Variants in PACRG observed in about 807,000 individuals in gnomAD.
PACRG encodes the protein parkin coregulated gene protein.
A neutral mutation model predicts 29.7 loss-of-function variants in PACRG; 29 were observed. The observed-to-expected ratio is 0.98, with a 90% CI of 0.73 to 1.33. PACRG has a LOEUF of 1.33. Ranked by LOEUF, PACRG falls within the 40% of genes most tolerant of loss-of-function variation. The pLI, the probability that PACRG is intolerant of heterozygous loss-of-function variation, is 0.00. For missense variants in PACRG, 279 were observed against 316.2 expected (o/e 0.88, Z 0.89); for synonymous variants, 116 against 118.7 (o/e 0.98, Z 0.15).
chr6:162,830,311 C>G (rs1459418347), intron 2 of PACRG, among the ~76,000 whole-genome samples: 1 of 152,096 alleles, frequency 6.6e-6, no homozygotes, highest in African/African-American at 2.4e-5. Flanking sequence ...TTTTGTCATG[C>G]CTCTCACTTC....
rs1377945550 is a variant in PACRG at position 162,747,473 on chromosome 6, A to T, written c.156+19082A>T. Among the ~76,000 whole-genome samples, 107 of 35,440 alleles carry T rather than the reference A, an allele frequency of 3.0e-3. 25 individuals carry two copies. Among genetic ancestry groups the T allele is most frequent in the African/African-American group, 8.2e-3 (44 of 5,364 alleles). 23.3% of individuals were successfully genotyped at this position (35,440 alleles called of 152,430 possible). ...ATATAACTATAAATATATATGTAAAACTATATATATATATATATATTCCAT... is the reference window on the plus strand; with the variant it reads ...ATATAACTATAAATATATATGTAAATCTATATATATATATATATATTCCAT... On this transcript the variant is annotated intron_variant, in intron 1 of 4. Transcript: ENST00000366888.
chr6:163,045,409 GT>G (rs1338969165), intron 2 of PACRG, among the ~76,000 whole-genome samples: 1 of 152,110 alleles, frequency 6.6e-6, no homozygotes, highest in African/African-American at 2.4e-5. Flanking sequence ...TATTATTTGA[GT>G]TACCTGCCTC....
At chr6:162,950,048 T>A (rs897422189) in intron 2 of PACRG, among the ~76,000 whole-genome samples, 8 of 152,230 alleles carry the variant, frequency 5.3e-5, no homozygotes, top group African/African-American at 1.7e-4. Context: ...CACCTGTTTT[T>A]AAATAATTTT....
intron 2 of PACRG, among the ~76,000 whole-genome samples, chr6:162,914,521 T>G (rs1434585212): frequency 2.0e-5 from 3 of 147,892 alleles, no homozygotes; most frequent in South Asian, 2.1e-4. Flanking sequence ...TTTTTTTTTT[T>G]TTTTTTTTTA....
chr6:162,960,864 G>C (rs1800552744), intron 2 of PACRG, among the ~76,000 whole-genome samples: 1 of 57,220 alleles, frequency 1.7e-5, no homozygotes, highest in Non-Finnish European at 4.8e-5. Context: ...ATTTTCTTTG[G>C]TGTTGGCTTC....
At chr6:163,224,194 C>A (rs1253637810) in intron 4 of PACRG, among the ~76,000 whole-genome samples, 1 of 151,494 alleles carries the variant, frequency 6.6e-6, no homozygotes, top group Admixed American at 6.6e-5. Flanking sequence ...TATGGCACAA[C>A]CCCATCTCTA....
chr6:162,932,912 C>T (rs1446479077), intron 2 of PACRG, among the ~76,000 whole-genome samples: 2 of 150,518 alleles, frequency 1.3e-5, no homozygotes, highest in African/African-American at 2.4e-5. Context: ...TTGGGTTTAG[C>T]TTTTTTTTTC....
At chr6:162,797,789 A>C (rs1438397904) in intron 1 of PACRG, among the ~76,000 whole-genome samples, 1 of 151,784 alleles carries the variant, frequency 6.6e-6, no homozygotes, top group South Asian at 2.1e-4. Context: ...GTATTTTTGC[A>C]ATGCTATTTT....
At position 162,805,725 on chromosome 6, in the gene PACRG, A is replaced by G. The variant is rs116696691; in HGVS notation, c.157-8422A>G. 6.2e-3 allele frequency among the ~76,000 whole-genome samples: 939 copies of G among 152,320 alleles called. 6 individuals are homozygous for G. Among genetic ancestry groups the G allele is most frequent in the African/African-American group, 0.02 (842 of 41,574 alleles). Reference sequence around the variant, plus strand: ...TTATCATTTTGATAATGTTCAAAGTATCTTCACCAGGAGTAGATTCTGCCT... The same window carrying G: ...TTATCATTTTGATAATGTTCAAAGTGTCTTCACCAGGAGTAGATTCTGCCT... On this transcript the variant is annotated intron_variant, in intron 1 of 4. Transcript: ENST00000366888.
At chr6:162,901,321 C>T (rs1041877921) in intron 2 of PACRG, among the ~76,000 whole-genome samples, 28 of 152,156 alleles carry the variant, frequency 1.8e-4, no homozygotes, top group African/African-American at 6.8e-4. Context: ...CCTCTTACTA[C>T]AGTTTTTCCC....
chr6:163,003,624 A>G (rs1804779624), intron 2 of PACRG, among the ~76,000 whole-genome samples: 1 of 152,024 alleles, frequency 6.6e-6, no homozygotes, highest in Non-Finnish European at 1.5e-5. Flanking sequence ...TTATTCTTAA[A>G]CTCTTCCCAT....
chr6:163,177,238 A>G (rs1779405605), intron 4 of PACRG, among the ~76,000 whole-genome samples: 1 of 152,230 alleles, frequency 6.6e-6, no homozygotes, highest in African/African-American at 2.4e-5. Flanking sequence ...GGGAGTGTCC[A>G]CATGAAACCA....
At chr6:162,841,368 C>T (rs1346135680) in intron 2 of PACRG, among the ~76,000 whole-genome samples, 9 of 151,856 alleles carry the variant, frequency 5.9e-5, no homozygotes, top group Non-Finnish European at 1.2e-4. Context: ...TCTAGATTAT[C>T]TAGTTTATTT....
intron 1 of PACRG, among the ~76,000 whole-genome samples, chr6:162,763,596 A>G (rs1423899697): frequency 6.6e-6 from 1 of 152,212 alleles, no homozygotes; most frequent in Non-Finnish European, 1.5e-5. Context: ...TGAGTATCAC[A>G]GTATTTCAAC....
At chr6:162,793,130 C>A (rs1202879934) in intron 1 of PACRG, among the ~76,000 whole-genome samples, 1 of 152,154 alleles carries the variant, frequency 6.6e-6, no homozygotes, top group Non-Finnish European at 1.5e-5. Flanking sequence ...CATTTCACCA[C>A]CATTTTACAG....
chr6:162,838,084 C>G (rs2128403221), intron 2 of PACRG, among the ~76,000 whole-genome samples: 1 of 152,240 alleles, frequency 6.6e-6, no homozygotes, highest in Non-Finnish European at 1.5e-5. Context: ...GGCAGATTTT[C>G]TTCCATATTA....
At chr6:163,275,012 A>G (rs1018028239) in intron 4 of PACRG, among the ~76,000 whole-genome samples, 1 of 151,698 alleles carries the variant, frequency 6.6e-6, no homozygotes, top group Admixed American at 6.6e-5. Flanking sequence ...ACAGGCGTGC[A>G]CCACCAGACC....
At chr6:163,076,044 C>T (rs1483150259) in intron 3 of PACRG, among the ~76,000 whole-genome samples, 3 of 152,140 alleles carry the variant, frequency 2.0e-5, no homozygotes, top group Non-Finnish European at 2.9e-5. Flanking sequence ...AGTCTAGGGC[C>T]CATCCAACCT....
intron 1 of PACRG, among the ~76,000 whole-genome samples, chr6:162,745,339 A>C (rs2128268983): frequency 6.6e-6 from 1 of 152,200 alleles, no homozygotes; most frequent in African/African-American, 2.4e-5. Flanking sequence ...AACAATGAGA[A>C]CACGTGGACA....
Sources: gnomAD v4.1 joint callset for allele counts (sites outside exome capture counted in the v4.1 genomes callset) on GRCh38, gnomAD v4.1.1 for gene constraint, MANE v1.5 for transcripts, NCBI Gene and HGNC (gene_info 2026-07-23, HGNC 2026-07-21) for gene names.